APOB: variants seen among roughly 807,000 people sequenced by gnomAD.
APOB encodes the protein apolipoprotein B-100.
In APOB, 153 loss-of-function variants were observed where a neutral mutation model predicts 314.1. The observed-to-expected ratio is 0.49, with a 90% CI of 0.43 to 0.56. The LOEUF (loss-of-function observed/expected upper bound fraction) is 0.56, where lower values mean the gene tolerates loss of function less well. APOB is among the 20% of genes least tolerant of loss of function. The pLI is 0.00. For missense variants in APOB, 5,430 were observed against 5,350.7 expected, an observed-to-expected ratio of 1.01 and a Z score of -0.46; for synonymous variants, 2,087 against 2,036.4, an observed-to-expected ratio of 1.02 and a Z score of -0.67.
intron 8 of APOB, 124 bp downstream of exon 8, chr2:21,034,692 A>C (rs1663957290): frequency 1.3e-6 from 1 of 758,314 alleles, no homozygotes; most frequent in Non-Finnish European, 2.5e-6. Flanking sequence ...AGAGGTAGCC[A>C]GAACACCAGT....
intron 20 of APOB, among the ~76,000 whole-genome samples, chr2:21,016,984 A>C (rs1663490000): frequency 1.3e-5 from 1 of 78,238 alleles, no homozygotes. Flanking sequence ...ACTCCATCTC[A>C]AAAAATAAAT....
At chr2:21,029,284 T>C (rs1403825165) in intron 12 of APOB, among the ~76,000 whole-genome samples, 1 of 152,152 alleles carries the variant, frequency 6.6e-6, no homozygotes, top group Non-Finnish European at 1.5e-5. Flanking sequence ...ACTCCATCTC[T>C]ACTAAAAAAT....
intron 15 of APOB, among the ~76,000 whole-genome samples, 159 bp downstream of exon 15, chr2:21,026,629 G>A (rs1165908828): frequency 6.6e-6 from 1 of 152,132 alleles, no homozygotes; most frequent in East Asian, 1.9e-4. Flanking sequence ...ATCTTTAACT[G>A]CAGAGGATAC....
chr2:21,005,571 C>G lies in APOB; in HGVS notation c.11297G>C (p.Arg3766Thr), dbSNP rs767133242. ...CAGCTTCTTATAGATTTGTATTTCT[C>G]TGAAGTCAAGTTTGCACGATGGAAC... ...LQVPSCKLDF[R>T]EIQIYKKLRT... The change falls in exon 26 of 29, where the codon AGA (arginine) becomes ACA (threonine). Residue 3766 changes from arginine to threonine, a missense_variant. Coordinates refer to ENST00000233242, the MANE Select transcript of APOB (RefSeq NM_000384.3). 8.1e-6 allele frequency: 13 copies of G among 1,613,924 alleles called. No individual in the cohort carries two copies. The South Asian group carries it at 1.2e-4, about 15-fold the overall frequency.
intron 10 of APOB, 101 bp from the exon 11 acceptor site, chr2:21,030,116 G>T (rs959688395): frequency 2.5e-6 from 2 of 786,864 alleles, no homozygotes; most frequent in Non-Finnish European, 4.3e-6. Flanking sequence ...AAATTCATAT[G>T]GAATCCAAAA....
At position 21,009,107 on chromosome 2, in the gene APOB, A is replaced by C. The variant is rs892546553; in HGVS notation, c.7761T>G (p.Val2587=). The C allele has an allele frequency of 6.2e-7, 1 of 1,613,962 alleles. No homozygotes were observed. Among genetic ancestry groups the C allele is most frequent in the Non-Finnish European group, 8.5e-7 (1 of 1,179,958 alleles). The change falls in exon 26 of 29, where the codon GTT becomes GTG. Residue 2587 remains valine, a synonymous_variant. Coordinates refer to ENST00000233242, the MANE Select transcript of APOB (RefSeq NM_000384.3). The part of the protein sequence containing the change: ...MKALVEQGFT[V]PEIKTILGTM... ...TCCCAAGGATGGTCTTGATTTCAGG[A>C]ACAGTGAACCCTTGCTCTACCAATG... is the stretch of plus-strand genomic sequence containing the variant.
intron 20 of APOB, among the ~76,000 whole-genome samples, chr2:21,017,012 A>T (rs76622701): frequency 0.33 from 49,205 of 147,626 alleles, 9,176 homozygotes; most frequent in Non-Finnish European, 0.42. Flanking sequence ...TAAATAAATA[A>T]ATAAACAAAC....
intron 11 of APOB, 32 bp from the exon 12 acceptor site, chr2:21,029,817 A>C (rs542841901): frequency 6.2e-7 from 1 of 1,613,716 alleles, no homozygotes; most frequent in Admixed American, 1.7e-5. Context: ...AGAACCCATC[A>C]GGGTGCAGGA....
intron 28 of APOB, among the ~76,000 whole-genome samples, chr2:21,004,014 C>T (rs770917158): frequency 6.6e-6 from 1 of 152,106 alleles, no homozygotes; most frequent in Non-Finnish European, 1.5e-5. Context: ...GAGGTATAAC[C>T]CTCATCTTCC....
At position 21,007,695 on chromosome 2, in the gene APOB, A is replaced by C. The variant is rs1663184428; in HGVS notation, c.9173T>G (p.Val3058Gly). 6.2e-7 allele frequency: 1 copy of C among 1,614,102 alleles called. No individual in the cohort carries two copies. Among genetic ancestry groups the C allele is most frequent in the Non-Finnish European group, 8.5e-7 (1 of 1,179,952 alleles). ...ASTNNEGNLK[V>G]RFPLRLTGKI... ...CCCTGTTAACCTTAATGGAAAACGA[A>C]CTTTCAAATTCCCTTCATTGTTTGT... The change falls in exon 26 of 29, where the codon GTT becomes GGT. Residue 3058 changes from valine (V) to glycine (G), a missense_variant. Around this residue, in one of 3 missense-constraint regions of APOB, gnomAD observed 3,281 missense variants for 3,171.0 expected, o/e 1.03. Transcript: ENST00000233242.
In APOB at chr2:21,006,941, G is replaced by T; in HGVS notation, c.9927C>A (p.Val3309=). ...LPSLELPVLH[V]PRNLKLSLPD... ...GAAGAGAAAGCTTGAGATTTCTAGG[G>T]ACATGAAGGACTGGCAGCTCTAATG... The change falls in exon 26 of 29, where the codon GTC becomes GTA. Residue 3309 remains valine (V), a synonymous_variant. Coordinates refer to ENST00000233242, the MANE Select transcript of APOB (RefSeq NM_000384.3). 6.2e-7 allele frequency: 1 copy of T among 1,614,030 alleles called. No individual in the cohort carries two copies. Among genetic ancestry groups the T allele is most frequent in the South Asian group, 1.1e-5 (1 of 91,074 alleles).
chr2:21,041,010 C>A lies in APOB; in HGVS notation c.311G>T (p.Gly104Val). 1 of 1,613,798 alleles carries A rather than the reference C, an allele frequency of 6.2e-7. No homozygotes were observed. The highest frequency in any genetic ancestry group is 8.5e-7 in the Non-Finnish European group (1 of 1,179,966). The change falls in exon 4 of 29, where the codon GGC (glycine) becomes GTC (valine). Residue 104 changes from glycine (G) to valine (V), a missense_variant. Gly to Val is a moderately radical substitution (Grantham distance 109). Around this residue, in one of 3 missense-constraint regions of APOB, gnomAD observed 2,085 missense variants for 2,079.7 expected, o/e 1.00. Coordinates refer to ENST00000233242, the MANE Select transcript of APOB (RefSeq NM_000384.3). ...CAAGGCTTTGCCCTCAGGGTTGAAG[C>A]CATACACCTCTTTCAGGGTGCACTG... Reference protein sequence around the residue: ...TSQCTLKEVYGFNPEGKALLK... With the variant: ...TSQCTLKEVYVFNPEGKALLK...
chr2:21,023,738 A>C, intron 16 of APOB, 46 bp from the exon 17 acceptor site: 1 of 1,544,900 alleles, frequency 6.5e-7, no homozygotes, highest in Non-Finnish European at 8.7e-7. Flanking sequence ...GTCTTTTTAA[A>C]GTCGGTTTTG....
chr2:21,005,191 C>T lies in APOB; in HGVS notation c.11677G>A (p.Val3893Met), dbSNP rs771594871. 9 of 1,613,866 alleles carry T rather than the reference C, an allele frequency of 5.6e-6. No homozygotes were observed. The highest frequency in any genetic ancestry group is 1.7e-5 in the Admixed American group (1 of 59,976). The part of the protein sequence containing the change: ...LTARFEVDSP[V>M]YNATWSASLK... Reference sequence around the variant, plus strand: ...CTGGCACTCCAAGTGGCATTATACACGGGAGAGTCTACCTCAAAGCGTGCA... The same window carrying T: ...CTGGCACTCCAAGTGGCATTATACATGGGAGAGTCTACCTCAAAGCGTGCA... The change falls in exon 26 of 29, where the codon GTG becomes ATG. Residue 3893 changes from valine to methionine, a missense_variant. By Grantham distance (21) the Val-to-Met change is conservative. Coordinates refer to ENST00000233242, the MANE Select transcript of APOB (RefSeq NM_000384.3).
chr2:21,029,826 G>A, intron 11 of APOB, 41 bp from the exon 12 acceptor site: 2 of 1,613,370 alleles, frequency 1.2e-6, no homozygotes, highest in African/African-American at 1.3e-5. Context: ...CAGGGTGCAG[G>A]AGAGGGAAGT....
intron 23 of APOB, 44 bp downstream of exon 23, chr2:21,015,029 G>C (rs747660707): frequency 3.9e-6 from 6 of 1,549,708 alleles, no homozygotes; most frequent in Non-Finnish European, 5.3e-6. Context: ...GATGTAATTA[G>C]CACTTATATC....
rs759999243 is a variant in APOB, at chr2:21,010,874, A to T, written c.5994T>A (p.Ala1998=). ...NNNEYSQDLD[A]YNTKDKIGVE... is the part of the protein sequence containing the mutation. ...CGCCAATTTTATCTTTAGTGTTGTA[A>T]GCATCCAAGTCCTGGCTGTATTCAT... The change falls in exon 26 of 29, where the codon GCT becomes GCA. Residue 1998 remains alanine, a synonymous_variant. Transcript: ENST00000233242. The T allele has an allele frequency of 6.2e-7, 1 of 1,613,984 alleles. No homozygotes were observed. Among genetic ancestry groups the T allele is most frequent in the Non-Finnish European group, 8.5e-7 (1 of 1,180,022 alleles).
Position 21,016,601 on chromosome 2 carries a change from C to T in APOB, c.3170G>A (p.Ser1057Asn). ...TTGGACTTCACTGGACAAGGTCATA[C>T]TCTGCCGATTATATTTGAATGTCAT... is the stretch of plus-strand genomic sequence containing the variant. ...ATMTFKYNRQ[S>N]MTLSSEVQIP... Residue 1057 changes from serine (S) to asparagine (N), a missense_variant, in exon 21 of 29, where the codon AGT (serine) becomes AAT (asparagine). Ser to Asn is a conservative substitution (Grantham distance 46, BLOSUM62 1). Transcript: ENST00000233242. The T allele has an allele frequency of 6.2e-7, 1 of 1,612,686 alleles. No individual in the cohort carries two copies. Among genetic ancestry groups the T allele is most frequent in the Non-Finnish European group, 8.5e-7 (1 of 1,178,686 alleles).
intron 17 of APOB, 89 bp downstream of exon 17, chr2:21,023,436 G>T: frequency 6.8e-7 from 1 of 1,472,592 alleles, no homozygotes; most frequent in South Asian, 1.1e-5. Flanking sequence ...GTCTTGAAGT[G>T]GAAACACATT....
Sources: allele counts gnomAD v4.1 joint callset (sites outside exome capture counted in the v4.1 genomes callset), GRCh38; gene constraint gnomAD v4.1.1; regional missense constraint gnomAD v4.1.1; transcripts MANE v1.5; gene names NCBI Gene and HGNC (gene_info 2026-07-23, HGNC 2026-07-21).